The following CNTLN variants were observed in gnomAD, a reference collection of about 807,000 sequenced individuals.
CNTLN encodes centlein, also known as centlein, centrosomal protein.
A neutral mutation model predicts 180.0 loss-of-function variants in CNTLN; 212 were observed. That is an observed-to-expected ratio of 1.18 (90% CI 1.05 to 1.32). CNTLN has a LOEUF of 1.32. Among genes scored for constraint, CNTLN ranks in the 40% most tolerant of loss-of-function variants. CNTLN has a pLI of 0.00. For missense variants in CNTLN, 2,095 were observed against 1,610.9 expected (o/e 1.30, Z -5.14); for synonymous variants, 722 against 563.1 (o/e 1.28, Z -3.99).
chr9:17,437,833 A>C (rs1278628654), intron 18 of CNTLN, among the ~76,000 whole-genome samples: 1 of 152,208 alleles, frequency 6.6e-6, no homozygotes, highest in Admixed American at 6.5e-5. Flanking sequence ...GTGTGTGTAT[A>C]TATAACATGG....
intron 12 of CNTLN, among the ~76,000 whole-genome samples, chr9:17,344,936 C>G (rs1821764644): frequency 6.6e-6 from 1 of 152,158 alleles, no homozygotes; most frequent in African/African-American, 2.4e-5. Context: ...TTCTCCTTCC[C>G]TATAGCTTTG....
intron 5 of CNTLN, among the ~76,000 whole-genome samples, chr9:17,258,492 T>C (rs1472694077): frequency 6.6e-6 from 1 of 151,362 alleles, no homozygotes; most frequent in South Asian, 2.1e-4. Flanking sequence ...AACTTTAAAG[T>C]AGTTTTTTCC....
At chr9:17,308,358 A>G (rs1329116410) in intron 7 of CNTLN, among the ~76,000 whole-genome samples, 1 of 152,160 alleles carries the variant, frequency 6.6e-6, no homozygotes, top group Non-Finnish European at 1.5e-5. Flanking sequence ...TGTCTGCAGA[A>G]CAAATCCATC....
chr9:17,325,916 T>G (rs2133076503), intron 8 of CNTLN, among the ~76,000 whole-genome samples: 1 of 152,228 alleles, frequency 6.6e-6, no homozygotes, highest in East Asian at 1.9e-4. Context: ...ATTTTCTATG[T>G]ATTAGGCAAT....
intron 6 of CNTLN, among the ~76,000 whole-genome samples, chr9:17,295,031 A>G (rs1346026672): frequency 6.6e-6 from 1 of 151,682 alleles, no homozygotes; most frequent in African/African-American, 2.4e-5. Context: ...CGGTGGGCCA[A>G]CACTGCTGGG....
intron 8 of CNTLN, among the ~76,000 whole-genome samples, chr9:17,309,856 T>C (rs1819003057): frequency 6.6e-6 from 1 of 152,094 alleles, no homozygotes; most frequent in South Asian, 2.1e-4. Flanking sequence ...TTTAAAAAAA[T>C]CTCTGTGAAT....
At chr9:17,202,998 G>T (rs1409085000) in intron 2 of CNTLN, among the ~76,000 whole-genome samples, 3 of 152,006 alleles carry the variant, frequency 2.0e-5, no homozygotes, top group Non-Finnish European at 2.9e-5. Flanking sequence ...CATATTTCGT[G>T]CTTCCTTCAG....
intron 2 of CNTLN, among the ~76,000 whole-genome samples, chr9:17,216,731 C>A (rs1011344338): frequency 6.6e-5 from 10 of 152,184 alleles, no homozygotes; most frequent in Non-Finnish European, 1.5e-4. Flanking sequence ...CCCTCCTGCT[C>A]CTTTCCACTC....
chr9:17,296,246 C>G (rs192764196), intron 6 of CNTLN, among the ~76,000 whole-genome samples: 85 of 152,114 alleles, frequency 5.6e-4, no homozygotes, highest in South Asian at 4.0e-3. Context: ...GGTGATCCAT[C>G]TACCTCAGGT....
intron 6 of CNTLN, among the ~76,000 whole-genome samples, chr9:17,282,896 G>A (rs982607259): frequency 1.3e-5 from 2 of 152,090 alleles, no homozygotes; most frequent in African/African-American, 4.8e-5. Context: ...TCAGATGGTT[G>A]TAGATGTGCG....
At chr9:17,330,923 T>C in intron 9 of CNTLN, 115 bp downstream of exon 9, 3 of 937,116 alleles carry the variant, frequency 3.2e-6, no homozygotes, top group Non-Finnish European at 4.8e-6. Flanking sequence ...GGGAAACTTT[T>C]GAAAAATATT....
chr9:17,463,443 G>A (rs999115194), intron 20 of CNTLN, among the ~76,000 whole-genome samples: 3 of 151,462 alleles, frequency 2.0e-5, no homozygotes, highest in Non-Finnish European at 3.0e-5. Context: ...GTACTCTTGT[G>A]TTTATCAGTA....
At position 17,135,311 on chromosome 9, in the gene CNTLN, G is replaced by C. The variant is rs974161764; in HGVS notation, c.246G>C (p.Ala82=). The C allele has an allele frequency of 6.2e-7, 1 of 1,601,712 alleles. No individual in the cohort carries two copies. The highest frequency in any genetic ancestry group is 1.1e-5 in the South Asian group (1 of 88,438). Residue 82 remains alanine, a synonymous_variant, in exon 1 of 26, where the codon GCG becomes GCC. Coordinates refer to ENST00000380647, the MANE Select transcript of CNTLN (RefSeq NM_017738.4). The part of the protein sequence containing the change: ...AAPAHAPLLS[A]PMGSRRLEGI... ...CGGCTCATGCTCCCCTCCTCAGCGCGCCCATGGGGTCCAGACGGCTAGAGG... is the reference window on the plus strand; with the variant it reads ...CGGCTCATGCTCCCCTCCTCAGCGCCCCCATGGGGTCCAGACGGCTAGAGG...
At chr9:17,223,419 C>T (rs917624120) in intron 2 of CNTLN, among the ~76,000 whole-genome samples, 1 of 151,956 alleles carries the variant, frequency 6.6e-6, no homozygotes, top group African/African-American at 2.4e-5. Flanking sequence ...TTAGGCATCT[C>T]AAACTTAGTA....
At chr9:17,214,539 T>G (rs1275505974) in intron 2 of CNTLN, among the ~76,000 whole-genome samples, 2 of 152,102 alleles carry the variant, frequency 1.3e-5, no homozygotes, top group South Asian at 2.1e-4. Flanking sequence ...TGTCTTGGAG[T>G]TGCTCTTCTC....
rs1564130247 is a variant in CNTLN at position 17,465,964 on chromosome 9, T to C, written c.3532-17T>C. The C allele has an allele frequency of 1.9e-6, 3 of 1,586,554 alleles. No homozygotes were observed. The South Asian group carries it at 3.4e-5, about 18-fold the overall frequency. ...ATGCCTTCAACAATAATAATTACCT[T>C]TATGCTTTTAATGTAGGTAAAGACA... On this transcript the variant is annotated splice_polypyrimidine_tract_variant and intron_variant, in intron 21 of 25. Coordinates refer to ENST00000380647, the MANE Select transcript of CNTLN (RefSeq NM_017738.4).
At chr9:17,184,095 C>T (rs188310201) in intron 2 of CNTLN, among the ~76,000 whole-genome samples, 1 of 152,206 alleles carries the variant, frequency 6.6e-6, no homozygotes, top group African/African-American at 2.4e-5. Flanking sequence ...ATGTTCATCC[C>T]ACACTGTAGA....
At chr9:17,355,660 A>G (rs1287733691) in intron 12 of CNTLN, among the ~76,000 whole-genome samples, 1 of 152,212 alleles carries the variant, frequency 6.6e-6, no homozygotes, top group Non-Finnish European at 1.5e-5. Context: ...GTTGATACTC[A>G]GTTATCCCAA....
At chr9:17,231,485 C>T (rs531524753) in intron 3 of CNTLN, among the ~76,000 whole-genome samples, 2 of 151,934 alleles carry the variant, frequency 1.3e-5, no homozygotes, top group Non-Finnish European at 2.9e-5. Context: ...ATACATTTCC[C>T]TTCTAGTATT....
Sources: gnomAD v4.1 joint callset for allele counts (sites outside exome capture counted in the v4.1 genomes callset) on GRCh38, gnomAD v4.1.1 for gene constraint, MANE v1.5 for transcripts, NCBI Gene and HGNC (gene_info 2026-07-23, HGNC 2026-07-21) for gene names.